Variants in OR2L13 observed in about 807,000 individuals in gnomAD.
OR2L13 encodes the protein olfactory receptor family 2 subfamily L member 13, also known as olfactory receptor 2L13.
A neutral mutation model predicts 15.3 loss-of-function variants in OR2L13; 14 were observed. The ratio of observed to expected loss-of-function variants is 0.91; its 90% CI spans 0.60 to 1.43. OR2L13 has a LOEUF of 1.43. Among genes scored for constraint, OR2L13 ranks in the 40% most tolerant of loss-of-function variants. The pLI is 0.00. For missense variants in OR2L13, 367 were observed against 387.9 expected, an observed-to-expected ratio of 0.95 and a Z score of 0.45; for synonymous variants, 152 against 142.9, an observed-to-expected ratio of 1.06 and a Z score of -0.45.
At chr1:247,985,977 T>C in the OR2L13 span, among the ~76,000 whole-genome samples, 8 of 152,314 alleles carry the variant, frequency 5.3e-5, no homozygotes, top group Admixed American at 2.0e-4. Context: ...TCTTGTAAAT[T>C]AGTTTGAGTT....
chr1:248,070,724 A>C, the OR2L13 span, among the ~76,000 whole-genome samples: 1 of 152,044 alleles, frequency 6.6e-6, no homozygotes, highest in Non-Finnish European at 1.5e-5. Context: ...TTGATAGACC[A>C]CTAGCAAGAC....
At chr1:248,012,248 A>G in the OR2L13 span, among the ~76,000 whole-genome samples, 2 of 152,236 alleles carry the variant, frequency 1.3e-5, no homozygotes, top group South Asian at 2.1e-4. Flanking sequence ...TAGGAGATGT[A>G]AGGGACTGCC....
At chr1:248,031,336 T>C in the OR2L13 span, among the ~76,000 whole-genome samples, 2 of 152,182 alleles carry the variant, frequency 1.3e-5, no homozygotes, top group Non-Finnish European at 2.9e-5. Flanking sequence ...TATTGTAACA[T>C]CGCAGAACAC....
At chr1:248,021,992 G>C in the OR2L13 span, 1 of 1,613,754 alleles carries the variant, frequency 6.2e-7, no homozygotes, top group Admixed American at 1.7e-5. Context: ...TCTTATTGGG[G>C]CTGTTCCCAC....
the OR2L13 span, among the ~76,000 whole-genome samples, chr1:247,941,023 A>G: frequency 1.3e-5 from 2 of 151,836 alleles, no homozygotes; most frequent in African/African-American, 2.4e-5. Flanking sequence ...ATTTTTTCGT[A>G]TGCTTGTTGG....
At chr1:248,071,397 G>A in the OR2L13 span, among the ~76,000 whole-genome samples, 6 of 152,094 alleles carry the variant, frequency 3.9e-5, no homozygotes, top group Admixed American at 6.6e-5. Context: ...CTCAATAGAT[G>A]CAGAAAAGGC....
the OR2L13 span, among the ~76,000 whole-genome samples, chr1:248,028,920 G>A: frequency 2.0e-5 from 3 of 152,198 alleles, no homozygotes; most frequent in Non-Finnish European, 4.4e-5. Flanking sequence ...ACAGTACCGT[G>A]GTTGCACTAG....
chr1:248,075,426 A>C, the OR2L13 span, among the ~76,000 whole-genome samples: 2 of 152,232 alleles, frequency 1.3e-5, no homozygotes, highest in African/African-American at 4.8e-5. Flanking sequence ...AGGAATCACC[A>C]CACTGTCTTC....
upstream of OR2L13, among the ~76,000 whole-genome samples, chr1:248,090,269 G>A (rs1457163793): frequency 6.7e-6 from 1 of 150,284 alleles, no homozygotes; most frequent in Non-Finnish European, 1.5e-5. Flanking sequence ...TGCTAACACA[G>A]AAGCTCCCTG....
the OR2L13 span, among the ~76,000 whole-genome samples, chr1:247,967,858 C>CTCT: frequency 2.7e-5 from 4 of 149,746 alleles, no homozygotes; most frequent in East Asian, 1.9e-4. Context: ...CCTTCTCCTC[C>CTCT]TCCTCCTTCT....
chr1:247,959,268 GC>G, the OR2L13 span, among the ~76,000 whole-genome samples: 1 of 151,980 alleles, frequency 6.6e-6, no homozygotes, highest in South Asian at 2.1e-4. Context: ...TTGAATATTG[GC>G]CCCCACTCTC....
chr1:247,940,921 T>A, the OR2L13 span, among the ~76,000 whole-genome samples: 988 of 152,240 alleles, frequency 6.5e-3, 6 homozygotes, highest in African/African-American at 0.021. Flanking sequence ...TGCTTTTTTT[T>A]AAATTTTTTG....
At chr1:248,051,266 T>C in the OR2L13 span, 1 of 152,232 alleles carries the variant, frequency 6.6e-6, no homozygotes, top group Non-Finnish European at 1.5e-5. Flanking sequence ...ACAATATTTG[T>C]CTTTTTGTGA....
the OR2L13 span, among the ~76,000 whole-genome samples, chr1:247,951,705 T>G: frequency 1.4e-3 from 213 of 152,320 alleles, 1 homozygote; most frequent in African/African-American, 4.9e-3. Context: ...CTAACAATGT[T>G]TACTGCTAAT....
At chr1:247,986,543 T>C in the OR2L13 span, among the ~76,000 whole-genome samples, 5,864 of 152,118 alleles carry the variant, frequency 0.039, 343 homozygotes, top group African/African-American at 0.13. Flanking sequence ...AGTCAGGTAG[T>C]GTGATGCCTC....
At chr1:247,940,910 G>C in the OR2L13 span, among the ~76,000 whole-genome samples, 3 of 151,960 alleles carry the variant, frequency 2.0e-5, no homozygotes, top group Non-Finnish European at 4.4e-5. Flanking sequence ...ATCAACATCT[G>C]TGCTTTTTTT....
chr1:247,940,628 AG>A, the OR2L13 span, among the ~76,000 whole-genome samples: 6 of 152,236 alleles, frequency 3.9e-5, 1 homozygote, highest in South Asian at 1.2e-3. Context: ...ATGAGCACCT[AG>A]GTTGAATGTA....
chr1:247,946,948 T>C, the OR2L13 span, among the ~76,000 whole-genome samples: 1 of 152,212 alleles, frequency 6.6e-6, no homozygotes, highest in Non-Finnish European at 1.5e-5. Context: ...ATTATTTTGC[T>C]ATATCCCTTT....
At chr1:247,964,443 A>T in the OR2L13 span, among the ~76,000 whole-genome samples, 1 of 152,180 alleles carries the variant, frequency 6.6e-6, no homozygotes, top group African/African-American at 2.4e-5. Context: ...ACTTCCAAAG[A>T]GTATGAAATT....
Sources: allele counts gnomAD v4.1 joint callset (sites outside exome capture counted in the v4.1 genomes callset), GRCh38; gene constraint gnomAD v4.1.1; transcripts MANE v1.5; gene names NCBI Gene and HGNC (gene_info 2026-07-23, HGNC 2026-07-21).